Variants in DDIT3 observed in about 807,000 individuals in gnomAD.
DDIT3 encodes the protein DNA damage inducible transcript 3.
In DDIT3, 14 loss-of-function variants were observed where a neutral mutation model predicts 17.6. That is an observed-to-expected ratio of 0.80 (90% CI 0.53 to 1.25). The LOEUF (loss-of-function observed/expected upper bound fraction) is 1.25, where lower values mean the gene tolerates loss of function less well. Among genes scored for constraint, DDIT3 ranks in the 50% most tolerant of loss-of-function variants. The pLI, the probability that DDIT3 is intolerant of heterozygous loss-of-function variation, is 0.00. For synonymous variants in DDIT3, 93 were observed against 76.5 expected (o/e 1.22, Z -1.13); for missense variants, 216 against 202.7 (o/e 1.07, Z -0.40).
chr12:57,519,646 G>A (rs1000179989), intron 1 of DDIT3, among the ~76,000 whole-genome samples: 1 of 152,204 alleles, frequency 6.6e-6, no homozygotes. Context: ...ATCAGCAGTA[G>A]AGCCTCAGGT....
chr12:57,517,805 C>A, intron 1 of DDIT3, 52 bp from the exon 2 acceptor site: 1 of 423,824 alleles, frequency 2.4e-6, no homozygotes, highest in Non-Finnish European at 4.1e-6. Flanking sequence ...GGAGAGGCAA[C>A]TTACTTTTCT....
rs1878225921 is a variant in DDIT3, at chr12:57,520,445, T to A, written c.-108A>T. 1.3e-5 allele frequency: 5 copies of A among 398,540 alleles called. No individual in the cohort carries two copies. The highest frequency in any genetic ancestry group is 1.8e-5 in the Non-Finnish European group (4 of 226,116). 24.7% of individuals were successfully genotyped at this position (398,540 alleles called of 1,614,324 possible). On this transcript the variant is annotated 5_prime_UTR_variant, in exon 1 of 4. Coordinates refer to ENST00000346473, the MANE Select transcript of DDIT3 (RefSeq NM_004083.6). ...CTCTCCTCAGGTTCCAGCTCTGATT[T>A]TGGCTCTGTCGCTGCCACCCGCTCA...
In DDIT3 at chr12:57,516,650, A is replaced by G; in HGVS notation, c.*159T>C. The G allele has an allele frequency of 6.6e-7, 1 of 1,526,128 alleles. No individual in the cohort carries two copies. Among genetic ancestry groups the G allele is most frequent in the Non-Finnish European group, 8.8e-7 (1 of 1,140,270 alleles). 94.5% of individuals were successfully genotyped at this position (1,526,128 alleles called of 1,614,324 possible). A position where few individuals can be genotyped will look rare whatever the true frequency, so the allele number is the denominator to read the frequency against. ...TAATAAATAAATGTACAATCTCTATATACAAGCTGAGACCTTTCCTTTTGT... is the reference window on the plus strand; with the variant it reads ...TAATAAATAAATGTACAATCTCTATGTACAAGCTGAGACCTTTCCTTTTGT... On this transcript the variant is annotated 3_prime_UTR_variant, in exon 4 of 4. Transcript: ENST00000346473.
In DDIT3 at chr12:57,517,747, T is replaced by C. The variant is rs1442055882; in HGVS notation, c.-74A>G. 6.3e-6 allele frequency: 3 copies of C among 476,252 alleles called. No individual in the cohort carries two copies. Among genetic ancestry groups the C allele is most frequent in the African/African-American group, 2.0e-5 (1 of 50,542 alleles). The allele number at this position is 476,252 out of a possible 1,614,324, so 29.5% of individuals were successfully genotyped here. On this transcript the variant is annotated 5_prime_UTR_variant, in exon 2 of 4. Transcript: ENST00000346473. ...TGATGTATGAAGATACACTTCCTTC[T>C]TGAACACTGTGGGCAACAAAGAGAA... is the stretch of plus-strand genomic sequence containing the variant.
Position 57,517,369 on chromosome 12 carries a change from A to G in DDIT3, c.38T>C (p.Leu13Pro). 6.2e-7 allele frequency: 1 copy of G among 1,612,966 alleles called. No individual in the cohort carries two copies. The highest frequency in any genetic ancestry group is 8.5e-7 in the Non-Finnish European group (1 of 1,179,988). ...AESLPFSFGT[L>P]SSWELEAWYE... ...CCAGGCTTCCAGCTCCCAGCTGGACAGTGTCCCGAAGGAGAAAGGCAATGA... is the reference window on the plus strand; with the variant it reads ...CCAGGCTTCCAGCTCCCAGCTGGACGGTGTCCCGAAGGAGAAAGGCAATGA... The change falls in exon 3 of 4, where the codon CTG becomes CCG. Residue 13 changes from leucine (L) to proline (P), a missense_variant. By Grantham distance (98) the Leu-to-Pro change is moderately conservative. Transcript: ENST00000346473.
intron 1 of DDIT3, among the ~76,000 whole-genome samples, 158 bp from the exon 2 acceptor site, chr12:57,517,911 C>CT (rs1877997015): frequency 6.6e-6 from 1 of 151,804 alleles, no homozygotes; most frequent in East Asian, 1.9e-4. Flanking sequence ...ACTGCAACCT[C>CT]TGCCTCCTCG....
Position 57,516,644 on chromosome 12 carries a change from C to A in DDIT3, c.*165G>T. On this transcript the variant is annotated 3_prime_UTR_variant, in exon 4 of 4. Coordinates refer to ENST00000346473, the MANE Select transcript of DDIT3 (RefSeq NM_004083.6). Reference sequence around the variant, plus strand: ...GGACAGTAATAAATAAATGTACAATCTCTATATACAAGCTGAGACCTTTCC... The same window carrying A: ...GGACAGTAATAAATAAATGTACAATATCTATATACAAGCTGAGACCTTTCC... 1.3e-6 allele frequency: 2 copies of A among 1,527,620 alleles called. No homozygotes were observed. Among genetic ancestry groups the A allele is most frequent in the Non-Finnish European group, 1.8e-6 (2 of 1,141,432 alleles). 94.6% of individuals were successfully genotyped at this position (1,527,620 alleles called of 1,614,324 possible). A position where few individuals can be genotyped will look rare whatever the true frequency, so the allele number is the denominator to read the frequency against.
At chr12:57,517,472 C>A (rs1877957237) in intron 2 of DDIT3, 34 bp from the exon 3 acceptor site, 1 of 1,599,078 alleles carries the variant, frequency 6.3e-7, no homozygotes, top group Non-Finnish European at 8.5e-7. Flanking sequence ...GGAACAAGCT[C>A]CATGTAGCAA....
chr12:57,516,642 ATCTC>A lies in DDIT3; in HGVS notation c.*163_*166del. 3 of 1,526,868 alleles carry A rather than the reference ATCTC, an allele frequency of 2.0e-6. No homozygotes were observed. Among genetic ancestry groups the A allele is most frequent in the South Asian group, 2.6e-5 (2 of 75,788 alleles). 94.6% of individuals were successfully genotyped at this position (1,526,868 alleles called of 1,614,324 possible). On this transcript the variant is annotated 3_prime_UTR_variant, in exon 4 of 4. Coordinates refer to ENST00000346473, the MANE Select transcript of DDIT3 (RefSeq NM_004083.6). ...AGGGACAGTAATAAATAAATGTACA[ATCTC>A]TATATACAAGCTGAGACCTTTCCTT... is the stretch of plus-strand genomic sequence containing the variant.
intron 1 of DDIT3, among the ~76,000 whole-genome samples, chr12:57,518,784 G>C (rs1241918537): frequency 6.6e-6 from 1 of 152,098 alleles, no homozygotes; most frequent in Non-Finnish European, 1.5e-5. Flanking sequence ...TCAGCCTCCG[G>C]AGTAGCTGGG....
Position 57,516,787 on chromosome 12 carries a change from G to A in DDIT3, c.*22C>T. The A allele has an allele frequency of 6.2e-7, 1 of 1,602,252 alleles. No individual in the cohort carries two copies. The highest frequency in any genetic ancestry group is 8.5e-7 in the Non-Finnish European group (1 of 1,176,044). ...AAAGGTGGGTAGTGTGGCCCAAGTG[G>A]GGGACTGATGCTCCCAATTGTTCAT... is the stretch of plus-strand genomic sequence containing the variant. On this transcript the variant is annotated 3_prime_UTR_variant, in exon 4 of 4. Transcript: ENST00000346473.
At chr12:57,519,245 G>A in intron 1 of DDIT3, 1 of 530,846 alleles carries the variant, frequency 1.9e-6, no homozygotes, top group South Asian at 1.4e-5. Flanking sequence ...GGTTTTGAGT[G>A]GAGGAATTAC....
In DDIT3 at chr12:57,516,620, G is replaced by A. The variant is rs374596596; in HGVS notation, c.*189C>T. The A allele has an allele frequency of 1.2e-4, 179 of 1,542,818 alleles. No homozygotes were observed. The African/African-American group carries it at 1.8e-3, about 16-fold the overall frequency. The stretch of plus-strand genomic sequence containing the variant: ...ATAGAAAGTCACTTTAATAGATAGG[G>A]ACAGTAATAAATAAATGTACAATCT... On this transcript the variant is annotated 3_prime_UTR_variant, in exon 4 of 4. Coordinates refer to ENST00000346473, the MANE Select transcript of DDIT3 (RefSeq NM_004083.6).
At chr12:57,517,633 T>C (rs774846400) in intron 2 of DDIT3, 73 bp downstream of exon 2, 11 of 632,566 alleles carry the variant, frequency 1.7e-5, no homozygotes, top group Non-Finnish European at 2.7e-5. Context: ...CTAGAGACTA[T>C]AGGACTTTTA....
intron 1 of DDIT3, among the ~76,000 whole-genome samples, 158 bp downstream of exon 1, chr12:57,520,260 G>A (rs1414227222): frequency 6.6e-6 from 1 of 152,192 alleles, no homozygotes; most frequent in African/African-American, 2.4e-5. Context: ...CGAAGCAATA[G>A]GGGTTTGTAA....
In DDIT3 at chr12:57,517,025, GTCTTCCTCC is replaced by G. The variant is rs767044357; in HGVS notation, c.285_293del (p.Glu95_Glu97del). On this transcript the variant is annotated inframe_deletion, in exon 4 of 4. Transcript: ENST00000346473. ...GTTTCCGTTTCCTGGTTCTCCCTTG[GTCTTCCTCC>G]TCTTCCTCCTGAGCCAGGGAGCTCT... is the stretch of plus-strand genomic sequence containing the variant. The G allele has an allele frequency of 4.3e-6, 7 of 1,614,046 alleles. No homozygotes were observed. The highest frequency in any genetic ancestry group is 1.3e-5 in the African/African-American group (1 of 74,980).
Position 57,517,281 on chromosome 12 carries a change from A to G in DDIT3, c.126T>C (p.Pro42=). 6.2e-7 allele frequency: 1 copy of G among 1,614,158 alleles called. No individual in the cohort carries two copies. The highest frequency in any genetic ancestry group is 1.1e-5 in the South Asian group (1 of 91,068). Residue 42 remains proline, a synonymous_variant, in exon 3 of 4, where the codon CCT becomes CCC. Coordinates refer to ENST00000346473, the MANE Select transcript of DDIT3 (RefSeq NM_004083.6). ...DENGGTYVSP[P]GNEEEESKIF... is the part of the protein sequence containing the mutation. ...CTAACATTCTTACCTCTTCATTTCC[A>G]GGAGGTGAAACATAGGTACCCCCAT...
At position 57,517,303 on chromosome 12, in the gene DDIT3, C is replaced by A; in HGVS notation, c.104G>T (p.Gly35Val). 1 of 1,614,134 alleles carries A rather than the reference C, an allele frequency of 6.2e-7. No homozygotes were observed. Among genetic ancestry groups the A allele is most frequent in the Non-Finnish European group, 8.5e-7 (1 of 1,180,026 alleles). ...LQEVLSSDENGGTYVSPPGNE... is the reference protein window; with the variant it reads ...LQEVLSSDENVGTYVSPPGNE... ...TCCAGGAGGTGAAACATAGGTACCC[C>A]CATTTTCATCTGAAGACAGGACCTC... Residue 35 changes from glycine to valine, a missense_variant, in exon 3 of 4, where the codon GGG becomes GTG. By Grantham distance (109) the Gly-to-Val change is moderately radical. Transcript: ENST00000346473.
chr12:57,518,107 C>T (rs932906920), intron 1 of DDIT3, among the ~76,000 whole-genome samples: 6 of 151,974 alleles, frequency 3.9e-5, no homozygotes, highest in East Asian at 1.9e-4. Flanking sequence ...CATGAGCTAC[C>T]GTGCTGGGCC....
Sources: gnomAD v4.1 joint callset for allele counts (sites outside exome capture counted in the v4.1 genomes callset) on GRCh38, gnomAD v4.1.1 for gene constraint, MANE v1.5 for transcripts, NCBI Gene and HGNC (gene_info 2026-07-23, HGNC 2026-07-21) for gene names.